ZBTB20: variants seen among roughly 807,000 people sequenced by gnomAD.
ZBTB20 encodes the protein zinc finger and BTB domain containing 20, also known as zinc finger and BTB domain-containing protein 20.
A neutral mutation model predicts 56.9 loss-of-function variants in ZBTB20; 9 were observed. The observed-to-expected ratio is 0.16, with a 90% CI of 0.10 to 0.28. The LOEUF (loss-of-function observed/expected upper bound fraction) is 0.28. Among genes scored for constraint, ZBTB20 ranks in the 10% least tolerant of loss-of-function variants. ZBTB20 has a pLI of 1.00. For synonymous variants in ZBTB20, 417 were observed against 420.7 expected (o/e 0.99, Z 0.11); for missense variants, 655 against 1,003.0 (o/e 0.65, Z 4.69).
Position 114,320,744 on chromosome 3 carries a change from C to T in ZBTB20, c.*18261G>A, listed in dbSNP as rs2078866252. The T allele has an allele frequency of 6.6e-6, 1 of 152,018 alleles. No individual in the cohort carries two copies. Among genetic ancestry groups the T allele is most frequent in the African/African-American group, 2.4e-5 (1 of 41,390 alleles). 9.4% of individuals were successfully genotyped at this position (152,018 alleles called of 1,614,324 possible). On this transcript the variant is annotated 3_prime_UTR_variant, in exon 12 of 12. Coordinates refer to ENST00000675478, the MANE Select transcript of ZBTB20 (RefSeq NM_001348800.3). ...AAGATATTTCATTAACAGGTTGGTACTGCATCCATGTGGGGACAATAGAAA... is the reference window on the plus strand; with the variant it reads ...AAGATATTTCATTAACAGGTTGGTATTGCATCCATGTGGGGACAATAGAAA...
chr3:114,926,312 T>C (rs531865844), intron 3 of ZBTB20, among the ~76,000 whole-genome samples: 2 of 152,216 alleles, frequency 1.3e-5, no homozygotes, highest in Non-Finnish European at 2.9e-5. Context: ...CTAATATTTC[T>C]CTAGTCTTAT....
intron 6 of ZBTB20, among the ~76,000 whole-genome samples, chr3:114,549,446 T>C (rs1324745486): frequency 2.6e-5 from 4 of 152,220 alleles, no homozygotes; most frequent in Non-Finnish European, 5.9e-5. Context: ...ATATCTTTAC[T>C]GCTAATTTTT....
At chr3:114,670,841 A>G (rs948353657) in intron 6 of ZBTB20, among the ~76,000 whole-genome samples, 1 of 152,174 alleles carries the variant, frequency 6.6e-6, no homozygotes, top group Non-Finnish European at 1.5e-5. Flanking sequence ...TTTCCAACAC[A>G]GAGAAAAGAG....
rs1483177815 is a variant in ZBTB20, at chr3:114,337,891, T to G, written c.*1114A>C. ...GCAAAACCAAAATGAAAAAAATTAC[T>G]TTTAACAATTTCACTTTTTTTGTTT... On this transcript the variant is annotated 3_prime_UTR_variant, in exon 12 of 12. Coordinates refer to ENST00000675478, the MANE Select transcript of ZBTB20 (RefSeq NM_001348800.3). 6.6e-6 allele frequency: 1 copy of G among 151,798 alleles called. No homozygotes were observed. The highest frequency in any genetic ancestry group is 2.4e-5 in the African/African-American group (1 of 41,364). 9.4% of individuals were successfully genotyped at this position (151,798 alleles called of 1,614,324 possible).
At chr3:114,648,264 C>T (rs950906764) in intron 6 of ZBTB20, among the ~76,000 whole-genome samples, 3 of 151,802 alleles carry the variant, frequency 2.0e-5, no homozygotes, top group African/African-American at 7.2e-5. Context: ...TAGCTATAAA[C>T]ATGTTATACA....
At chr3:115,141,862 A>T (rs2084820150) in intron 1 of ZBTB20, among the ~76,000 whole-genome samples, 1 of 152,214 alleles carries the variant, frequency 6.6e-6, no homozygotes, top group Non-Finnish European at 1.5e-5. Flanking sequence ...TAATAAACTT[A>T]GTCATGCTTA....
chr3:114,582,599 C>T (rs1484775203), intron 6 of ZBTB20, among the ~76,000 whole-genome samples: 1 of 152,112 alleles, frequency 6.6e-6, no homozygotes, highest in African/African-American at 2.4e-5. Flanking sequence ...AGGCTGGTCT[C>T]GAACTCCTAA....
At chr3:114,558,135 G>A (rs2051492402) in intron 6 of ZBTB20, among the ~76,000 whole-genome samples, 2 of 151,988 alleles carry the variant, frequency 1.3e-5, no homozygotes, top group South Asian at 2.1e-4. Flanking sequence ...ACTACCTTGA[G>A]GGGTGGATGG....
intron 6 of ZBTB20, among the ~76,000 whole-genome samples, chr3:114,593,676 G>A (rs533142839): frequency 8.2e-4 from 125 of 152,208 alleles, no homozygotes; most frequent in African/African-American, 3.0e-3. Context: ...GAGCCACTGC[G>A]CCTGGCCTAG....
intron 6 of ZBTB20, among the ~76,000 whole-genome samples, chr3:114,550,203 G>A (rs1032604841): frequency 6.6e-6 from 1 of 152,186 alleles, no homozygotes; most frequent in African/African-American, 2.4e-5. Flanking sequence ...CTCCCAAAGT[G>A]CTGGAATTAC....
chr3:114,664,915 A>G (rs561237461), intron 6 of ZBTB20, among the ~76,000 whole-genome samples: 1 of 152,232 alleles, frequency 6.6e-6, no homozygotes, highest in East Asian at 1.9e-4. Context: ...TTGCATATAC[A>G]TAGCAGAAGC....
chr3:114,608,783 C>CT (rs1165178163), intron 6 of ZBTB20, among the ~76,000 whole-genome samples: 2 of 152,078 alleles, frequency 1.3e-5, no homozygotes, highest in East Asian at 1.9e-4. Flanking sequence ...CAGAGGGTTT[C>CT]TTTTTTTACT....
intron 2 of ZBTB20, among the ~76,000 whole-genome samples, chr3:114,995,389 T>C (rs953203333): frequency 4.6e-5 from 7 of 151,930 alleles, no homozygotes; most frequent in Non-Finnish European, 1.0e-4. Context: ...AAAAGCTTCA[T>C]ATAGGTTGCT....
At chr3:114,630,056 C>T (rs2107823445) in intron 6 of ZBTB20, among the ~76,000 whole-genome samples, 2 of 152,232 alleles carry the variant, frequency 1.3e-5, no homozygotes, top group South Asian at 4.1e-4. Flanking sequence ...GAGAGGATCG[C>T]TTGATTCCAG....
At chr3:114,720,994 G>A (rs1487806783) in intron 5 of ZBTB20, among the ~76,000 whole-genome samples, 1 of 152,140 alleles carries the variant, frequency 6.6e-6, no homozygotes, top group African/African-American at 2.4e-5. Context: ...TAAGATTTGG[G>A]AGGTGATAAG....
chr3:114,787,402 CAT>C (rs1236290960), intron 5 of ZBTB20, among the ~76,000 whole-genome samples: 3 of 124,666 alleles, frequency 2.4e-5, no homozygotes, highest in South Asian at 2.5e-4. Flanking sequence ...CATATATATA[CAT>C]ATATATACGT....
chr3:114,677,280 C>T (rs2061683719), intron 6 of ZBTB20, among the ~76,000 whole-genome samples: 2 of 152,080 alleles, frequency 1.3e-5, no homozygotes, highest in Non-Finnish European at 2.9e-5. Flanking sequence ...AGAAACCTTG[C>T]ACTTAACAAT....
intron 1 of ZBTB20, among the ~76,000 whole-genome samples, chr3:115,072,434 AG>A (rs1201419117): frequency 3.9e-5 from 6 of 152,278 alleles, no homozygotes; most frequent in Non-Finnish European, 7.4e-5. Flanking sequence ...ATGGGTTCTA[AG>A]GATCTCGAAT....
At chr3:114,899,490 T>C (rs943662364) in intron 4 of ZBTB20, among the ~76,000 whole-genome samples, 11 of 152,068 alleles carry the variant, frequency 7.2e-5, no homozygotes, top group African/African-American at 1.4e-4. Flanking sequence ...TTTCGAGAAG[T>C]TGGCATACAC....
Sources: allele counts gnomAD v4.1 joint callset (sites outside exome capture counted in the v4.1 genomes callset), GRCh38; gene constraint gnomAD v4.1.1; transcripts MANE v1.5; gene names NCBI Gene and HGNC (gene_info 2026-07-23, HGNC 2026-07-21).